DPH6: variants seen among roughly 807,000 people sequenced by gnomAD.
DPH6 encodes diphthine--ammonia ligase.
DPH6 carries 33 observed loss-of-function variants against 38.2 expected under a neutral mutation model. That is an observed-to-expected ratio of 0.86 (90% confidence interval 0.65 to 1.15). The LOEUF (loss-of-function observed/expected upper bound fraction) is 1.15, where lower values mean the gene tolerates loss of function less well. Among genes scored for constraint, DPH6 ranks in the 50% most tolerant of loss-of-function variants. The pLI is 0.00. For synonymous variants in DPH6, 108 were observed against 103.0 expected (o/e 1.05, Z -0.30); for missense variants, 325 against 320.0 (o/e 1.02, Z -0.12).
intron 5 of DPH6, among the ~76,000 whole-genome samples, chr15:35,436,797 T>C (rs1329811119): frequency 6.6e-6 from 1 of 151,464 alleles, no homozygotes; most frequent in Non-Finnish European, 1.5e-5. Context: ...AGTTAAGTTT[T>C]ATGCAAGAGG....
intron 3 of DPH6, among the ~76,000 whole-genome samples, chr15:35,271,663 G>T (rs555942195): frequency 2.4e-4 from 37 of 152,308 alleles, no homozygotes; most frequent in African/African-American, 8.9e-4. Flanking sequence ...GACCCACGAT[G>T]GTGGTAGAAT....
At chr15:35,326,806 T>C (rs1342990654), downstream of DPH6, among the ~76,000 whole-genome samples, 2 of 152,180 alleles carry the variant, frequency 1.3e-5, no homozygotes, top group Non-Finnish European at 2.9e-5. Flanking sequence ...ACTAAGTTCC[T>C]TCAGGATGTC....
chr15:35,152,862 G>C, the DPH6 span, among the ~76,000 whole-genome samples: 41 of 151,944 alleles, frequency 2.7e-4, no homozygotes, highest in South Asian at 7.9e-3. Flanking sequence ...GTTGTACTTA[G>C]TGGGAGGAAT....
At chr15:35,296,328 G>T (rs2140793106) in intron 3 of DPH6, among the ~76,000 whole-genome samples, 1 of 152,232 alleles carries the variant, frequency 6.6e-6, no homozygotes, top group Non-Finnish European at 1.5e-5. Flanking sequence ...TGATTTTTAA[G>T]TGCAGATTTG....
chr15:35,194,073 A>C, the DPH6 span, among the ~76,000 whole-genome samples: 1 of 152,206 alleles, frequency 6.6e-6, no homozygotes, highest in East Asian at 1.9e-4. Flanking sequence ...GATGCCAGTC[A>C]AAGAAGATGA....
intron 6 of DPH6, among the ~76,000 whole-genome samples, chr15:35,403,878 T>C (rs2140982519): frequency 6.6e-6 from 1 of 151,180 alleles, no homozygotes; most frequent in African/African-American, 2.4e-5. Context: ...GGTCCCCCAC[T>C]ACCATTTCCA....
intron 3 of DPH6, among the ~76,000 whole-genome samples, chr15:35,535,398 TC>T (rs2055153796): frequency 6.6e-6 from 1 of 152,086 alleles, no homozygotes; most frequent in East Asian, 1.9e-4. Flanking sequence ...GATTCCAAAG[TC>T]CCCTAAGGCA....
Position 35,513,138 on chromosome 15 carries a change from C to T in DPH6, c.312+25136G>A, listed in dbSNP as rs566882173. On this transcript the variant is annotated intron_variant, in intron 3 of 8. Transcript: ENST00000256538. ...CAGCAATACCACACACAGGTGTGTG[C>T]ATCTATGTGTGTATTAAATATATGT... 4.6e-5 allele frequency among the ~76,000 whole-genome samples: 7 copies of T among 152,116 alleles called. No homozygotes were observed. In the South Asian group the frequency reaches 1.5e-3, roughly 32 times the overall value.
rs573262160 is a variant in DPH6 at position 35,466,088 on chromosome 15, C to G, written c.313-11268G>C. On this transcript the variant is annotated intron_variant, in intron 3 of 8. Coordinates refer to ENST00000256538, the MANE Select transcript of DPH6 (RefSeq NM_080650.4). ...TGGTGGCTCACACCTTCACACCCAG[C>G]TACTCTGGAGGCTGTGGTGGTAGGA... Among the ~76,000 whole-genome samples the G allele has an allele frequency of 9.9e-5, 15 of 152,272 alleles. No homozygotes were observed. The South Asian group carries it at 2.3e-3, about 23-fold the overall frequency.
At chr15:35,520,539 C>T in intron 3 of DPH6, 2 of 984,050 alleles carry the variant, frequency 2.0e-6, no homozygotes, top group Non-Finnish European at 2.4e-6. Flanking sequence ...AAGGTACTTT[C>T]AGTACATATA....
chr15:35,480,649 TATTTA>T (rs2054315258), intron 3 of DPH6, among the ~76,000 whole-genome samples: 1 of 152,204 alleles, frequency 6.6e-6, no homozygotes, highest in Non-Finnish European at 1.5e-5. Flanking sequence ...AGCATACTAA[TATTTA>T]ATTTAATAAT....
rs2054180767 is a variant in DPH6 at position 35,470,252 on chromosome 15, C to A, written c.313-15432G>T. ...CAAACAAATAAATAAAAACTAAGAACAGAGGGATAGACAGAAAAGCCAAAA... is the reference window on the plus strand; with the variant it reads ...CAAACAAATAAATAAAAACTAAGAAAAGAGGGATAGACAGAAAAGCCAAAA... On this transcript the variant is annotated intron_variant, in intron 3 of 8. Transcript: ENST00000256538. 2.0e-5 allele frequency among the ~76,000 whole-genome samples: 3 copies of A among 151,760 alleles called. No homozygotes were observed. The South Asian group carries it at 6.2e-4, about 32-fold the overall frequency.
chr15:35,381,321 C>A (rs1318290084), intron 7 of DPH6, among the ~76,000 whole-genome samples: 1 of 152,106 alleles, frequency 6.6e-6, no homozygotes, highest in Non-Finnish European at 1.5e-5. Flanking sequence ...CACTACTCAC[C>A]ATCAACTAAA....
At chr15:35,401,575 G>T in intron 6 of DPH6, 1 of 769,470 alleles carries the variant, frequency 1.3e-6, no homozygotes. Context: ...TTTTGGAGGT[G>T]GTGGAAGCTA....
intron 3 of DPH6, among the ~76,000 whole-genome samples, chr15:35,341,994 G>T (rs1246589685): frequency 6.6e-6 from 1 of 152,212 alleles, no homozygotes; most frequent in Non-Finnish European, 1.5e-5. Context: ...TGCAGAGATG[G>T]TAGCTGCCCC....
downstream of DPH6, among the ~76,000 whole-genome samples, chr15:35,213,065 T>C (rs532568321): frequency 9.2e-5 from 14 of 152,356 alleles, no homozygotes; most frequent in East Asian, 2.7e-3. Flanking sequence ...GAAAATCTGA[T>C]TTGGGAAAGA....
chr15:35,255,962 A>T (rs149611569), intron 3 of DPH6, among the ~76,000 whole-genome samples: 8,038 of 152,134 alleles, frequency 0.053, 267 homozygotes, highest in Non-Finnish European at 0.076. Context: ...AAATTGACTT[A>T]TAAATAAATA....
At chr15:35,509,218 C>T (rs2054735159) in intron 3 of DPH6, among the ~76,000 whole-genome samples, 1 of 152,126 alleles carries the variant, frequency 6.6e-6, no homozygotes, top group Non-Finnish European at 1.5e-5. Flanking sequence ...TATTTTCTTC[C>T]CATTTTTAAC....
chr15:35,199,856 C>T, the DPH6 span, among the ~76,000 whole-genome samples: 5 of 151,794 alleles, frequency 3.3e-5, no homozygotes, highest in African/African-American at 1.2e-4. Flanking sequence ...AAAAAAATAC[C>T]TCTCTCAAGA....
Sources: gnomAD v4.1 joint callset for allele counts (sites outside exome capture counted in the v4.1 genomes callset) on GRCh38, gnomAD v4.1.1 for gene constraint, MANE v1.5 for transcripts, NCBI Gene and HGNC (gene_info 2026-07-23, HGNC 2026-07-21) for gene names.